CTNNA3: variants seen among roughly 807,000 people sequenced by gnomAD.
CTNNA3 encodes the protein catenin alpha-3.
In CTNNA3, 76 loss-of-function variants were observed where a neutral mutation model predicts 95.7. The observed-to-expected ratio is 0.79, with a 90% CI of 0.66 to 0.96. The LOEUF is 0.96. Among genes scored for constraint, CTNNA3 ranks in the 40% least tolerant of loss-of-function variants. CTNNA3 has a pLI of 0.00. For synonymous variants in CTNNA3, 431 were observed against 374.4 expected (o/e 1.15, Z -1.74); for missense variants, 1,191 against 1,089.8 (o/e 1.09, Z -1.31).
At chr10:67,095,691 G>A (rs1857948397) in intron 7 of CTNNA3, among the ~76,000 whole-genome samples, 1 of 151,680 alleles carries the variant, frequency 6.6e-6, no homozygotes, top group African/African-American at 2.4e-5. Context: ...CATATATGAG[G>A]CATAAGTTTC....
chr10:67,728,014 TATC>T (rs1841251162), intron 1 of CTNNA3, among the ~76,000 whole-genome samples: 1 of 140,816 alleles, frequency 7.1e-6, no homozygotes. Context: ...ATGTATTATA[TATC>T]ATATATTATA....
intron 13 of CTNNA3, among the ~76,000 whole-genome samples, chr10:66,268,439 T>C (rs866916075): frequency 3.9e-5 from 6 of 152,166 alleles, no homozygotes; most frequent in Non-Finnish European, 8.8e-5. Context: ...TACCATGCTG[T>C]GAGAAAGCCA....
chr10:65,998,175 T>G (rs955146733), intron 15 of CTNNA3, among the ~76,000 whole-genome samples: 1 of 152,200 alleles, frequency 6.6e-6, no homozygotes, highest in Non-Finnish European at 1.5e-5. Flanking sequence ...TTTGGAGAAG[T>G]TTTCCATTTG....
intron 10 of CTNNA3, among the ~76,000 whole-genome samples, chr10:66,534,907 C>T (rs1841599022): frequency 6.6e-6 from 1 of 151,898 alleles, no homozygotes; most frequent in Admixed American, 6.6e-5. Flanking sequence ...CATGTTTTCT[C>T]ATTAAATAAT....
At chr10:65,930,222 A>AAC (rs2077231037) in intron 17 of CTNNA3, among the ~76,000 whole-genome samples, 1 of 150,174 alleles carries the variant, frequency 6.7e-6, no homozygotes, top group African/African-American at 2.5e-5. Flanking sequence ...AAAAAAAAAA[A>AAC]AAAACAGAAA....
At chr10:67,560,138 A>G (rs1189413784) in intron 3 of CTNNA3, among the ~76,000 whole-genome samples, 2 of 152,060 alleles carry the variant, frequency 1.3e-5, no homozygotes, top group African/African-American at 4.8e-5. Context: ...TACAGAGAAC[A>G]CCACAAAGAT....
At chr10:66,542,116 C>T (rs924573124) in intron 10 of CTNNA3, among the ~76,000 whole-genome samples, 1 of 152,086 alleles carries the variant, frequency 6.6e-6, no homozygotes, top group Non-Finnish European at 1.5e-5. Flanking sequence ...GACATTTATG[C>T]AGCCAAAAGA....
chr10:66,887,848 T>C (rs571598209), intron 7 of CTNNA3, among the ~76,000 whole-genome samples: 65 of 152,152 alleles, frequency 4.3e-4, no homozygotes, highest in African/African-American at 8.2e-4. Flanking sequence ...CTTTGCAGAT[T>C]TGAGGACAGG....
At chr10:66,391,775 T>C (rs950251237) in intron 11 of CTNNA3, among the ~76,000 whole-genome samples, 2 of 152,088 alleles carry the variant, frequency 1.3e-5, no homozygotes, top group African/African-American at 4.8e-5. Context: ...TTTTAGCGCC[T>C]CTCAAAAATA....
intron 15 of CTNNA3, among the ~76,000 whole-genome samples, chr10:66,023,831 G>A (rs558383069): frequency 2.6e-5 from 4 of 152,174 alleles, no homozygotes; most frequent in Admixed American, 2.6e-4. Context: ...AATTGCTAGT[G>A]CACTGTCGCA....
chr10:67,665,685 T>C (rs1301657486), intron 1 of CTNNA3: 1 of 152,108 alleles, frequency 6.6e-6, no homozygotes, highest in African/African-American at 2.4e-5. Flanking sequence ...ACAAGCACCC[T>C]AGTGTATTTC....
At chr10:67,629,384 C>CA (rs1335564610) in intron 2 of CTNNA3, among the ~76,000 whole-genome samples, 1 of 152,012 alleles carries the variant, frequency 6.6e-6, no homozygotes, top group African/African-American at 2.4e-5. Flanking sequence ...AGAGTACCAC[C>CA]AGCAGCAGTC....
intron 9 of CTNNA3, among the ~76,000 whole-genome samples, chr10:66,656,826 G>A (rs1198058273): frequency 6.6e-6 from 1 of 151,878 alleles, no homozygotes; most frequent in African/African-American, 2.4e-5. Context: ...GCTTTTTGTT[G>A]TTGTTTTTTG....
rs1564841227 is a variant in CTNNA3, at chr10:67,726,504, A to ATTATATATTATATTATATAATATATAT, written c.-2+36929_-2+36930insATATATATTATATAATATAATATATAA. On this transcript the variant is annotated intron_variant, in intron 1 of 17. Coordinates refer to the CTNNA3 transcript ENST00000684154. The stretch of plus-strand genomic sequence containing the variant: ...TATTATATCATATACAATATATAAT[A>ATTATATATTATATTATATAATATATAT]TATTATATATTATATTATATTATAT... Among the ~76,000 whole-genome samples, 209 of 65,626 alleles carry ATTATATATTATATTATATAATATATAT rather than the reference A, an allele frequency of 3.2e-3. 3 individuals are homozygous for ATTATATATTATATTATATAATATATAT. Among genetic ancestry groups the ATTATATATTATATTATATAATATATAT allele is most frequent in the African/African-American group, 0.013 (199 of 15,608 alleles). 43.1% of individuals were successfully genotyped at this position (65,626 alleles called of 152,430 possible).
At chr10:66,232,706 A>G (rs2089646783) in intron 13 of CTNNA3, among the ~76,000 whole-genome samples, 1 of 152,230 alleles carries the variant, frequency 6.6e-6, no homozygotes, top group Non-Finnish European at 1.5e-5. Flanking sequence ...CCAGGAGCAG[A>G]AATAGTGTAA....
intron 7 of CTNNA3, among the ~76,000 whole-genome samples, chr10:66,975,021 G>C (rs1292045540): frequency 6.6e-6 from 1 of 152,132 alleles, no homozygotes; most frequent in Non-Finnish European, 1.5e-5. Flanking sequence ...GGTAGCTCTT[G>C]ATGAAGAGGA....
intron 5 of CTNNA3, among the ~76,000 whole-genome samples, chr10:67,411,156 C>T (rs550350977): frequency 1.4e-4 from 22 of 152,128 alleles, no homozygotes; most frequent in Non-Finnish European, 2.5e-4. Flanking sequence ...CAGTTAATGG[C>T]AATGAGTTGT....
At position 66,978,542 on chromosome 10, in the gene CTNNA3, A is replaced by ATAAAATAAAAATAAAAAAAAT. The variant is rs1554890292; in HGVS notation, c.1047+201774_1047+201775insATTTTTTTTATTTTTATTTTA. 1.9e-3 allele frequency among the ~76,000 whole-genome samples: 132 copies of ATAAAATAAAAATAAAAAAAAT among 68,612 alleles called. 5 individuals carry two copies. The highest frequency in any genetic ancestry group is 3.6e-3 in the Non-Finnish European group (106 of 29,220). The allele number at this position is 68,612 out of a possible 152,430, so 45.0% of individuals were successfully genotyped here. On this transcript the variant is annotated intron_variant, in intron 7 of 17. Transcript: ENST00000433211. ...ACTCCATCTCAAAAAAAAAAAAAAA[A>ATAAAATAAAAATAAAAAAAAT]AAAAAAAAAAATATATATATATATA...
intron 9 of CTNNA3, among the ~76,000 whole-genome samples, chr10:66,667,605 C>A (rs893482425): frequency 1.4e-4 from 21 of 152,092 alleles, no homozygotes; most frequent in Non-Finnish European, 2.2e-4. Context: ...ATCCAGATTG[C>A]CTGGCTCTAG....
Sources: allele counts gnomAD v4.1 joint callset (sites outside exome capture counted in the v4.1 genomes callset), GRCh38; gene constraint gnomAD v4.1.1; transcripts MANE v1.5; gene names NCBI Gene and HGNC (gene_info 2026-07-23, HGNC 2026-07-21).